Variants in AOPEP observed in about 807,000 individuals in gnomAD.
AOPEP encodes aminopeptidase O (putative).
AOPEP carries 77 observed loss-of-function variants against 98.1 expected under a neutral mutation model. That is an observed-to-expected ratio of 0.78 (90% CI 0.65 to 0.95). AOPEP has a LOEUF of 0.95. AOPEP is among the 40% of genes least tolerant of loss of function. The pLI, the probability that AOPEP is intolerant of heterozygous loss-of-function variation, is 0.00. For missense variants in AOPEP, 1,024 were observed against 1,024.7 expected, an observed-to-expected ratio of 1.00 and a Z score of 0.01; for synonymous variants, 346 against 365.3, an observed-to-expected ratio of 0.95 and a Z score of 0.60.
chr9:94,918,079 A>C (rs1218772776), intron 5 of AOPEP, among the ~76,000 whole-genome samples: 1 of 152,176 alleles, frequency 6.6e-6, no homozygotes, highest in African/African-American at 2.4e-5. Context: ...AAAGAATACC[A>C]GGCTTTAGCA....
At chr9:95,117,376 G>C in the AOPEP span, 3 of 1,613,802 alleles carry the variant, frequency 1.9e-6, no homozygotes, top group Non-Finnish European at 1.7e-6. Context: ...AGTAGGTCTT[G>C]AGTGCAAACC....
chr9:94,839,155 G>A (rs559814328), intron 5 of AOPEP, among the ~76,000 whole-genome samples: 122 of 150,512 alleles, frequency 8.1e-4, no homozygotes, highest in Non-Finnish European at 1.1e-3. Context: ...GCGCGATTTC[G>A]GCTCACTGAA....
At chr9:94,929,738 T>C (rs1044410122) in intron 7 of AOPEP, among the ~76,000 whole-genome samples, 7 of 152,216 alleles carry the variant, frequency 4.6e-5, no homozygotes, top group Admixed American at 1.3e-4. Flanking sequence ...GAGCTTCCAC[T>C]TAGCAGGGAC....
intron 3 of AOPEP, among the ~76,000 whole-genome samples, chr9:94,790,759 G>A (rs1845531878): frequency 6.6e-6 from 1 of 151,976 alleles, no homozygotes; most frequent in African/African-American, 2.4e-5. Context: ...TCTATTATTG[G>A]TTTTTAGTGG....
chr9:94,857,022 C>G (rs118019254), intron 5 of AOPEP, among the ~76,000 whole-genome samples: 1 of 152,234 alleles, frequency 6.6e-6, no homozygotes, highest in Non-Finnish European at 1.5e-5. Flanking sequence ...GGCTGTTGAA[C>G]TTAAAAGTTC....
chr9:94,990,606 TTTAATTTAA>T (rs1240463640), intron 11 of AOPEP, among the ~76,000 whole-genome samples: 1 of 136,660 alleles, frequency 7.3e-6, no homozygotes, highest in Non-Finnish European at 1.6e-5. Context: ...AAGCAGATTA[TTTAATTTAA>T]TTAATTAATT....
intron 11 of AOPEP, among the ~76,000 whole-genome samples, chr9:95,000,868 A>G (rs1416578076): frequency 6.6e-6 from 1 of 152,236 alleles, no homozygotes. Context: ...TGTTGGCAAT[A>G]GAACGCTTCT....
At chr9:95,114,938 T>G in the AOPEP span, among the ~76,000 whole-genome samples, 1 of 152,314 alleles carries the variant, frequency 6.6e-6, no homozygotes, top group African/African-American at 2.4e-5. Context: ...TCTAATCTTT[T>G]AATTTTAGTT....
chr9:95,005,260 C>T, intron 12 of AOPEP, 40 bp downstream of exon 12: 2 of 1,021,038 alleles, frequency 2.0e-6, no homozygotes, highest in Non-Finnish European at 2.4e-6. Context: ...CCGGTGGCGC[C>T]GGCGCGAGAC....
At chr9:95,088,593 G>A (rs911909695), downstream of AOPEP, among the ~76,000 whole-genome samples, 5 of 152,162 alleles carry the variant, frequency 3.3e-5, no homozygotes, top group African/African-American at 1.2e-4. Flanking sequence ...AGTACCGGCC[G>A]CACTGCCCTG....
intron 10 of AOPEP, among the ~76,000 whole-genome samples, chr9:94,971,471 G>A (rs778273099): frequency 7.9e-5 from 12 of 152,112 alleles, no homozygotes; most frequent in African/African-American, 2.9e-4. Context: ...TACCCTATTA[G>A]TTATGCGACA....
In AOPEP at chr9:94,836,194, A is replaced by G. The variant is rs939051586; in HGVS notation, c.1364+35192A>G. Among the ~76,000 whole-genome samples, 14 of 152,248 alleles carry G rather than the reference A, an allele frequency of 9.2e-5. No individual in the cohort carries two copies. The East Asian group carries it at 1.5e-3, about 17-fold the overall frequency. Reference sequence around the variant, plus strand: ...ATACATAGAGCTCCTATAAACAGTCATAGCACAGGCTTTTGTGTGAACATA... The same window carrying G: ...ATACATAGAGCTCCTATAAACAGTCGTAGCACAGGCTTTTGTGTGAACATA... On this transcript the variant is annotated intron_variant, in intron 5 of 16. Coordinates refer to ENST00000375315, the MANE Select transcript of AOPEP (RefSeq NM_001193329.3).
intron 1 of AOPEP, among the ~76,000 whole-genome samples, chr9:94,750,996 C>G (rs931002756): frequency 6.6e-6 from 1 of 152,036 alleles, no homozygotes; most frequent in African/African-American, 2.4e-5. Context: ...ATCCGCCCAC[C>G]TTGGCCTCTC....
At chr9:94,932,010 C>A (rs557256200) in intron 7 of AOPEP, 462 of 1,197,866 alleles carry the variant, frequency 3.9e-4, no homozygotes, top group Non-Finnish European at 4.8e-4. Context: ...GACTGAATAA[C>A]GTGTCTAACC....
intron 11 of AOPEP, among the ~76,000 whole-genome samples, chr9:95,003,697 C>T (rs894854534): frequency 1.3e-5 from 2 of 152,172 alleles, no homozygotes; most frequent in Non-Finnish European, 2.9e-5. Flanking sequence ...GCTGTACAGT[C>T]TATACTAAAA....
intron 5 of AOPEP, among the ~76,000 whole-genome samples, chr9:94,834,040 G>A (rs1419997034): frequency 2.6e-5 from 4 of 152,116 alleles, no homozygotes; most frequent in Admixed American, 2.0e-4. Flanking sequence ...ATCAAGCCCC[G>A]AGATCTGATT....
intron 11 of AOPEP, among the ~76,000 whole-genome samples, chr9:94,991,873 G>A (rs1471526409): frequency 6.6e-6 from 1 of 152,192 alleles, no homozygotes; most frequent in African/African-American, 2.4e-5. Flanking sequence ...TTTGGTGTGA[G>A]TGAATGTGAT....
chr9:95,135,565 A>G, the AOPEP span: 1 of 1,465,052 alleles, frequency 6.8e-7, no homozygotes, highest in Non-Finnish European at 9.4e-7. Context: ...GAAGATTAAA[A>G]AAAGTTCAAA....
chr9:95,107,029 A>G, the AOPEP span: 2 of 1,608,480 alleles, frequency 1.2e-6, no homozygotes, highest in South Asian at 2.2e-5. Context: ...CTGGAGCAGA[A>G]ATGAGTACTA....
Sources: allele counts gnomAD v4.1 joint callset (sites outside exome capture counted in the v4.1 genomes callset), GRCh38; gene constraint gnomAD v4.1.1; transcripts MANE v1.5; gene names NCBI Gene and HGNC (gene_info 2026-07-23, HGNC 2026-07-21).